Variants in HMGCL observed in about 807,000 individuals in gnomAD.
The protein encoded by HMGCL is hydroxymethylglutaryl-CoA lyase, mitochondrial.
A neutral mutation model predicts 37.3 loss-of-function variants in HMGCL; 26 were observed. The ratio of observed to expected loss-of-function variants is 0.70; its 90% CI spans 0.51 to 0.97. HMGCL has a LOEUF of 0.97. Ranked by LOEUF, HMGCL falls within the 50% of genes least tolerant of loss-of-function variation. The pLI, the probability that HMGCL is intolerant of heterozygous loss-of-function variation, is 0.00. For missense variants in HMGCL, 379 were observed against 398.1 expected, an observed-to-expected ratio of 0.95 and a Z score of 0.41; for synonymous variants, 151 against 148.0, an observed-to-expected ratio of 1.02 and a Z score of -0.15.
Position 23,816,790 on chromosome 1 carries a change from T to C in HMGCL, c.253-20A>G, listed in dbSNP as rs368988643. ...ACCCATCTAGGAACCAAGGGAGACA[T>C]TGCCAAGTCATCACCAAGAGCAGAC... On this transcript the variant is annotated intron_variant, in intron 3 of 8. Coordinates refer to ENST00000374490, the MANE Select transcript of HMGCL (RefSeq NM_000191.3). 17 of 1,445,474 alleles carry C rather than the reference T, an allele frequency of 1.2e-5. No homozygotes were observed. Among genetic ancestry groups the C allele is most frequent in the South Asian group, 6.8e-5 (6 of 87,640 alleles). The allele number at this position is 1,445,474 out of a possible 1,614,324, so 89.5% of individuals were successfully genotyped here.
intron 1 of HMGCL, among the ~76,000 whole-genome samples, 194 bp downstream of exon 1, chr1:23,825,162 G>A (rs920132054): frequency 1.3e-5 from 2 of 152,176 alleles, no homozygotes; most frequent in African/African-American, 4.8e-5. Flanking sequence ...CCACCTCTCC[G>A]GACCTCAGTT....
At chr1:23,810,937 G>A (rs907837430) in intron 5 of HMGCL, 138 bp from the exon 6 acceptor site, 2 of 712,982 alleles carry the variant, frequency 2.8e-6, no homozygotes, top group Non-Finnish European at 5.2e-6. Context: ...GGCAGGGATG[G>A]TACAATTCAG....
rs770984830 is a variant in HMGCL, at chr1:23,817,547, C to G, written c.181G>C (p.Asp61His). ...GAGAGTCCTGCTTCAGAAAGCATGT[C>G]TATCAGCTTGATTTTCACTGGAGTA... The part of the protein sequence containing the change: ...VSTPVKIKLI[D>H]MLSEAGLSVI... Residue 61 changes from aspartate (D) to histidine (H), a missense_variant, in exon 3 of 9, where the codon GAC becomes CAC. Transcript: ENST00000374490. 1 of 1,613,556 alleles carries G rather than the reference C, an allele frequency of 6.2e-7. No homozygotes were observed. The highest frequency in any genetic ancestry group is 8.5e-7 in the Non-Finnish European group (1 of 1,179,498).
chr1:23,817,565 C>A lies in HMGCL; in HGVS notation c.163G>T (p.Val55Leu), dbSNP rs1234305205. 6.2e-7 allele frequency: 1 copy of A among 1,609,220 alleles called. No homozygotes were observed. Among genetic ancestry groups the A allele is most frequent in the African/African-American group, 1.3e-5 (1 of 74,956 alleles). The change falls in exon 3 of 9, where the codon GTG becomes TTG. Residue 55 changes from valine to leucine, a missense_variant. Transcript: ENST00000374490. ...QNEKNIVSTPVKIKLIDMLSE... is the reference protein window; with the variant it reads ...QNEKNIVSTPLKIKLIDMLSE... ...AGCATGTCTATCAGCTTGATTTTCA[C>A]TGGAGTAGATACGATATTCTATAGT... is the stretch of plus-strand genomic sequence containing the variant.
In HMGCL at chr1:23,806,401, C is replaced by G. The variant is rs998918010; in HGVS notation, c.750+1734G>C. 6.6e-5 allele frequency among the ~76,000 whole-genome samples: 10 copies of G among 152,206 alleles called. No homozygotes were observed. The highest frequency in any genetic ancestry group is 2.0e-4 in the Admixed American group (3 of 15,276). On this transcript the variant is annotated intron_variant, in intron 7 of 8. Coordinates refer to ENST00000374490, the MANE Select transcript of HMGCL (RefSeq NM_000191.3). This position sits in a 1 kb window ranked among gnomAD's most constrained non-coding sequence, Gnocchi z 4.0. ...CCTCTAACCCTGACATCTCTGCCCCCCTCTCCTCAGTCACACTGCTCCCGC... is the reference window on the plus strand; with the variant it reads ...CCTCTAACCCTGACATCTCTGCCCCGCTCTCCTCAGTCACACTGCTCCCGC...
chr1:23,813,776 C>T, intron 5 of HMGCL: 1 of 251,592 alleles, frequency 4.0e-6, no homozygotes, highest in South Asian at 5.1e-5. Flanking sequence ...GGTAATTCTC[C>T]AGGGATGTGT....
intron 5 of HMGCL, among the ~76,000 whole-genome samples, chr1:23,811,170 G>A (rs1324804219): frequency 6.6e-6 from 1 of 152,186 alleles, no homozygotes; most frequent in Non-Finnish European, 1.5e-5. Flanking sequence ...TCCAAAAGGA[G>A]ACCAAAGACT....
In HMGCL at chr1:23,804,520, T is replaced by TC; in HGVS notation, c.755dup (p.Val253SerfsTer63). On this transcript the variant is annotated frameshift_variant, in exon 8 of 9. Coordinates refer to ENST00000374490, the MANE Select transcript of HMGCL (RefSeq NM_000191.3). LOFTEE classifies it high-confidence loss of function. ...CCACAGAAGAGTCCACGACACTCAC[T>TC]CCCATCTAGAAACATAAGGATGGTG... is the stretch of plus-strand genomic sequence containing the variant. 1 of 1,614,082 alleles carries TC rather than the reference T, an allele frequency of 6.2e-7. No individual in the cohort carries two copies. Among genetic ancestry groups the TC allele is most frequent in the South Asian group, 1.1e-5 (1 of 91,080 alleles).
Position 23,817,579 on chromosome 1 carries a change from A to G in HMGCL, c.149T>C (p.Ile50Thr). Residue 50 changes from isoleucine to threonine, a missense_variant, in exon 3 of 9, where the codon ATC becomes ACC. Transcript: ENST00000374490. ...CTTGATTTTCACTGGAGTAGATACG[A>G]TATTCTATAGTGGAGAGAGAAACAC... ...PRDGLQNEKNIVSTPVKIKLI... is the reference protein window; with the variant it reads ...PRDGLQNEKNTVSTPVKIKLI... 1 of 1,597,052 alleles carries G rather than the reference A, an allele frequency of 6.3e-7. No homozygotes were observed. The highest frequency in any genetic ancestry group is 8.6e-7 in the Non-Finnish European group (1 of 1,164,678).
intron 5 of HMGCL, among the ~76,000 whole-genome samples, chr1:23,812,300 C>G (rs1419760526): frequency 6.6e-6 from 1 of 152,236 alleles, no homozygotes; most frequent in African/African-American, 2.4e-5. Flanking sequence ...AACTGACTCC[C>G]ACAAGAAGAC....
At position 23,817,594 on chromosome 1, in the gene HMGCL, G is replaced by A; in HGVS notation, c.145-11C>T. 2 of 1,539,004 alleles carry A rather than the reference G, an allele frequency of 1.3e-6. No individual in the cohort carries two copies. The highest frequency in any genetic ancestry group is 1.8e-6 in the Non-Finnish European group (2 of 1,112,318). On this transcript the variant is annotated splice_polypyrimidine_tract_variant and intron_variant, in intron 2 of 8. Coordinates refer to ENST00000374490, the MANE Select transcript of HMGCL (RefSeq NM_000191.3). ...AGTAGATACGATATTCTATAGTGGA[G>A]AGAGAAACACCAAGGCAGCAAAGTT...
chr1:23,820,357 G>A (rs1359670764), intron 2 of HMGCL, among the ~76,000 whole-genome samples, 153 bp downstream of exon 2: 9 of 152,156 alleles, frequency 5.9e-5, no homozygotes, highest in Non-Finnish European at 1.2e-4. Flanking sequence ...TGTCACAGGT[G>A]TCTGTCCCTG....
chr1:23,819,747 A>G lies in HMGCL; in HGVS notation c.144+763T>C, dbSNP rs543472857. ...CCATCTCCCAAAAACACACACACACACACGCGCGCGTGCGTACGCGCACAT... is the reference window on the plus strand; with the variant it reads ...CCATCTCCCAAAAACACACACACACGCACGCGCGCGTGCGTACGCGCACAT... On this transcript the variant is annotated intron_variant, in intron 2 of 8. Coordinates refer to ENST00000374490, the MANE Select transcript of HMGCL (RefSeq NM_000191.3). 9.9e-5 allele frequency among the ~76,000 whole-genome samples: 15 copies of G among 151,842 alleles called. 1 individual carries two copies. The highest frequency in any genetic ancestry group is 6.8e-3 in the Middle Eastern group (2 of 294).
chr1:23,803,982 G>T, intron 8 of HMGCL: 1 of 219,410 alleles, frequency 4.6e-6, no homozygotes, highest in Non-Finnish European at 9.4e-6. Flanking sequence ...TGTCTCCTAG[G>T]ACTGAACTGT....
At position 23,821,131 on chromosome 1, in the gene HMGCL, G is replaced by A. The variant is rs568699373; in HGVS notation, c.61-538C>T. On this transcript the variant is annotated intron_variant, in intron 1 of 8. Coordinates refer to ENST00000374490, the MANE Select transcript of HMGCL (RefSeq NM_000191.3). ...AGTACTTTGGGAGGCCGAAGCGGGC[G>A]ATCACTTGAGGTCGGGAGTTTGAGA... is the stretch of plus-strand genomic sequence containing the variant. Among the ~76,000 whole-genome samples, 3 of 150,344 alleles carry A rather than the reference G, an allele frequency of 2.0e-5. No homozygotes were observed. The South Asian group carries it at 6.3e-4, about 32-fold the overall frequency.
rs549928907 is a variant in HMGCL at position 23,806,778 on chromosome 1, T to C, written c.750+1357A>G. On this transcript the variant is annotated intron_variant, in intron 7 of 8. Transcript: ENST00000374490. The surrounding 1 kb of genome is among the most constrained non-coding windows in gnomAD (Gnocchi z 4.0). ...GCTGAATCCTTAATGCTGAGAACAG[T>C]GCCTAGCACACTAGGCACCGTTAGG... 8.2e-6 allele frequency: 3 copies of C among 364,980 alleles called. No homozygotes were observed. Among genetic ancestry groups the C allele is most frequent in the South Asian group, 6.2e-5 (3 of 48,602 alleles). The allele number at this position is 364,980 out of a possible 1,614,324, so 22.6% of individuals were successfully genotyped here. A position where few individuals can be genotyped will look rare whatever the true frequency, so the allele number is the denominator to read the frequency against.
chr1:23,820,553 TTCACC>T lies in HMGCL; in HGVS notation c.96_100del (p.Val33AsnfsTer13), dbSNP rs1417812078. On this transcript the variant is annotated frameshift_variant, in exon 2 of 9. Transcript: ENST00000374490. LOFTEE classifies it high-confidence loss of function. ...ATCTCGGGGACCAACTTCCACAATT[TTCACC>T]CGCTTTGGTAAAGTGCCCATAGATG... 1 of 1,614,186 alleles carries T rather than the reference TTCACC, an allele frequency of 6.2e-7. No individual in the cohort carries two copies. The highest frequency in any genetic ancestry group is 2.2e-5 in the East Asian group (1 of 44,888).
chr1:23,804,883 C>A (rs1333160957), intron 7 of HMGCL, among the ~76,000 whole-genome samples: 1 of 127,814 alleles, frequency 7.8e-6, no homozygotes, highest in Non-Finnish European at 1.7e-5. Flanking sequence ...ATTACCCCCC[C>A]CCCACTTACC....
At chr1:23,821,296 G>A (rs537987154) in intron 1 of HMGCL, among the ~76,000 whole-genome samples, 1 of 151,954 alleles carries the variant, frequency 6.6e-6, no homozygotes, top group South Asian at 2.1e-4. Flanking sequence ...GGTGGAAGTT[G>A]CAATGAGCCA....
Sources: gnomAD v4.1 joint callset for allele counts (sites outside exome capture counted in the v4.1 genomes callset) on GRCh38, gnomAD v4.1.1 for gene constraint, Gnocchi (gnomAD v3.1) non-coding constraint, MANE v1.5 for transcripts, NCBI Gene and HGNC (gene_info 2026-07-23, HGNC 2026-07-21) for gene names.